Variants in CCDC187 observed in about 807,000 individuals in gnomAD.
The protein encoded by CCDC187 is coiled-coil domain-containing protein 187.
CCDC187 carries 32 observed loss-of-function variants against 38.0 expected under a neutral mutation model. That is an observed-to-expected ratio of 0.84 (90% CI 0.64 to 1.13). CCDC187 has a LOEUF of 1.13. Ranked by LOEUF, CCDC187 falls within the 50% of genes most tolerant of loss-of-function variation. The probability of loss-of-function intolerance (pLI) is 0.00; values close to 1 mark genes in which losing one functional copy is unlikely to be tolerated. For synonymous variants in CCDC187, 333 were observed against 347.9 expected (o/e 0.96, Z 0.48); for missense variants, 707 against 786.8 (o/e 0.90, Z 1.21).
rs1231801844 is a variant in CCDC187, at chr9:136,257,100, C to T, written c.4367-259G>A. Among the ~76,000 whole-genome samples the T allele has an allele frequency of 6.6e-6, 1 of 152,174 alleles. No individual in the cohort carries two copies. The highest frequency in any genetic ancestry group is 1.5e-5 in the Non-Finnish European group (1 of 68,024). ...GTTTAGAATTCAGAGGCCGGCTGGG[C>T]GCAGTGGCTCACGCCTATAATCCCA... On this transcript the variant is annotated intron_variant, in intron 22 of 25. Transcript: ENST00000638797. This position sits in a 1 kb window ranked among gnomAD's most constrained non-coding sequence, Gnocchi z 4.5.
chr9:136,306,157 G>A (rs1831801551), upstream of CCDC187, among the ~76,000 whole-genome samples: 1 of 152,146 alleles, frequency 6.6e-6, no homozygotes, highest in Non-Finnish European at 1.5e-5. Flanking sequence ...GAGTCAAGGG[G>A]TATCCCCTGG....
At chr9:136,293,397 ACTCACAAACACTCACATG>A (rs1831414229) in intron 4 of CCDC187, among the ~76,000 whole-genome samples, 3 of 75,058 alleles carry the variant, frequency 4.0e-5, no homozygotes, top group African/African-American at 1.4e-4. Context: ...ATGCTCACAC[ACTCACAAACACTCACATG>A]CTCACATACT....
At position 136,256,331 on chromosome 9, in the gene CCDC187, G is replaced by C. The variant is rs1554760304; in HGVS notation, c.4504-8C>G. 1.0e-6 allele frequency: 1 copy of C among 983,780 alleles called. No homozygotes were observed. The highest frequency in any genetic ancestry group is 1.2e-6 in the Non-Finnish European group (1 of 828,516). 60.9% of individuals were successfully genotyped at this position (983,780 alleles called of 1,614,324 possible). A position where few individuals can be genotyped will look rare whatever the true frequency, so the allele number is the denominator to read the frequency against. On this transcript the variant is annotated splice_polypyrimidine_tract_variant and splice_region_variant and intron_variant, in intron 23 of 25. Coordinates refer to ENST00000638797, the MANE Select transcript of CCDC187 (RefSeq NM_001378188.1). ...GCTGTCCTCAGCCACCTGCTGGAGA[G>C]ACGTTGCAGAAATGACACTGTTGGG...
At chr9:136,306,533 TGA>T (rs1210545605), upstream of CCDC187, among the ~76,000 whole-genome samples, 3 of 152,116 alleles carry the variant, frequency 2.0e-5, no homozygotes, top group Admixed American at 6.5e-5. Context: ...GGCAAATGCT[TGA>T]TGACTTATCT....
Position 136,254,028 on chromosome 9 carries a change from C to T in CCDC187, c.5800G>A (p.Glu1934Lys). 1 of 984,994 alleles carries T rather than the reference C, an allele frequency of 1.0e-6. No individual in the cohort carries two copies. The highest frequency in any genetic ancestry group is 1.2e-6 in the Non-Finnish European group (1 of 829,712). The allele number at this position is 984,994 out of a possible 1,614,324, so 61.0% of individuals were successfully genotyped here. A position where few individuals can be genotyped will look rare whatever the true frequency, so the allele number is the denominator to read the frequency against. Residue 1934 changes from glutamate to lysine, a missense_variant, in exon 26 of 26, where the codon GAG (glutamate) becomes AAG (lysine). Glu to Lys is a moderately conservative substitution (Grantham distance 56, BLOSUM62 1). Transcript: ENST00000638797. ...TGCAGGGTCACCGGGGTCTCGGGCT[C>T]TGGCATGAGGTACGGGAGTTTGCTC... ...TKSKLPYLMP[E>K]PETPVTLQAP...
At chr9:136,285,722 T>G (rs1831163298) in intron 8 of CCDC187, 116 bp from the exon 9 acceptor site, 1 of 397,432 alleles carries the variant, frequency 2.5e-6, no homozygotes, top group Non-Finnish European at 4.4e-6. Flanking sequence ...GGTGGGGGTG[T>G]GGCAGCCTCC....
intron 4 of CCDC187, among the ~76,000 whole-genome samples, chr9:136,296,710 C>T (rs974790575): frequency 2.0e-5 from 3 of 152,208 alleles, no homozygotes; most frequent in Non-Finnish European, 4.4e-5. Flanking sequence ...GTTCGCCCTG[C>T]AAGCTCTGAA....
upstream of CCDC187, among the ~76,000 whole-genome samples, chr9:136,306,188 C>A (rs888214515): frequency 2.0e-5 from 3 of 152,172 alleles, no homozygotes; most frequent in East Asian, 5.8e-4. Context: ...CCCCCCTGTC[C>A]CCAGCAGCAC....
intron 12 of CCDC187, among the ~76,000 whole-genome samples, chr9:136,275,475 CGTGCACACACCCACACGT>C (rs1830914131): frequency 6.6e-6 from 1 of 151,640 alleles, no homozygotes; most frequent in Non-Finnish European, 1.5e-5. Flanking sequence ...CACCCACACG[CGTGCACACACCCACACGT>C]GTGCACGCAC....
Position 136,252,242 on chromosome 9 carries a change from C to T in CCDC187, c.*1352G>A, listed in dbSNP as rs1473744742. The T allele has an allele frequency of 2.4e-4, 29 of 119,672 alleles. No homozygotes were observed. The highest frequency in any genetic ancestry group is 3.0e-4 in the African/African-American group (9 of 30,434). The allele number at this position is 119,672 out of a possible 1,614,324, so 7.4% of individuals were successfully genotyped here. The stretch of plus-strand genomic sequence containing the variant: ...AGCCGGCCGCCCACCCAGTCCACCC[C>T]GGGAAGGTCCAGGCGACCGTCCTGC... On this transcript the variant is annotated 3_prime_UTR_variant, in exon 26 of 26. Coordinates refer to ENST00000638797, the MANE Select transcript of CCDC187 (RefSeq NM_001378188.1).
intron 18 of CCDC187, among the ~76,000 whole-genome samples, chr9:136,262,883 G>A (rs1830695833): frequency 1.3e-5 from 2 of 152,058 alleles, no homozygotes; most frequent in Non-Finnish European, 1.5e-5. Context: ...AGCTTGCCTG[G>A]GGACAGTCCC....
chr9:136,262,428 C>A lies in CCDC187; in HGVS notation c.3947G>T (p.Gly1316Val), dbSNP rs1554761106. The change falls in exon 19 of 26, where the codon GGA becomes GTA. Residue 1316 changes from glycine (G) to valine (V), a missense_variant. By Grantham distance (109) the Gly-to-Val change is moderately radical (BLOSUM62 -3). Transcript: ENST00000638797. ...SSPKVKAAWE[G>V]GSETSQQPEA... is the part of the protein sequence containing the mutation. ...TGGCTGCTGGCTTGTCTCTGAGCCTCCCTCCCAGGCGGCCTTGACTTTGGG... is the reference window on the plus strand; with the variant it reads ...TGGCTGCTGGCTTGTCTCTGAGCCTACCTCCCAGGCGGCCTTGACTTTGGG... The A allele has an allele frequency of 1.0e-6, 1 of 985,990 alleles. No homozygotes were observed. The highest frequency in any genetic ancestry group is 1.1e-4 in the East Asian group (1 of 8,838). 61.1% of individuals were successfully genotyped at this position (985,990 alleles called of 1,614,324 possible). A position where few individuals can be genotyped will look rare whatever the true frequency, so the allele number is the denominator to read the frequency against.
intron 17 of CCDC187, among the ~76,000 whole-genome samples, chr9:136,265,161 C>T (rs1376976100): frequency 6.6e-6 from 1 of 152,222 alleles, no homozygotes; most frequent in African/African-American, 2.4e-5. Context: ...AGCCCTTGAG[C>T]CTGTGACCTG....
intron 18 of CCDC187, among the ~76,000 whole-genome samples, chr9:136,263,326 C>CG (rs1346035266): frequency 9.9e-5 from 15 of 151,752 alleles, no homozygotes; most frequent in African/African-American, 3.6e-4. Flanking sequence ...CTCCGCCCCC[C>CG]GGGGTTCATG....
Position 136,303,721 on chromosome 9 carries a change from C to T in CCDC187, c.110G>A (p.Arg37Lys), listed in dbSNP as rs2131374010. The change falls in exon 1 of 26, where the codon AGA (arginine) becomes AAA (lysine). Residue 37 changes from arginine to lysine, a missense_variant. Coordinates refer to ENST00000638797, the MANE Select transcript of CCDC187 (RefSeq NM_001378188.1). ...QGPFSHGAPG[R>K]AADWKAVAKP... is the part of the protein sequence containing the mutation. ...GGCAACAGCCTTCCAGTCGGCTGCT[C>T]TCCCTGGGGCCCCATGGGAGAAGGG... is the stretch of plus-strand genomic sequence containing the variant. 6.6e-6 allele frequency: 1 copy of T among 152,424 alleles called. No individual in the cohort carries two copies. Among genetic ancestry groups the T allele is most frequent in the South Asian group, 2.1e-4 (1 of 4,830 alleles). 9.4% of individuals were successfully genotyped at this position (152,424 alleles called of 1,614,324 possible).
chr9:136,304,620 C>T (rs1831769850), upstream of CCDC187, among the ~76,000 whole-genome samples: 1 of 152,012 alleles, frequency 6.6e-6, no homozygotes, highest in African/African-American at 2.4e-5. Context: ...GTGGGGAGGA[C>T]ATGGCTCTGC....
At chr9:136,296,911 C>A (rs1257200453) in intron 4 of CCDC187, among the ~76,000 whole-genome samples, 1 of 152,166 alleles carries the variant, frequency 6.6e-6, no homozygotes, top group Non-Finnish European at 1.5e-5. Flanking sequence ...GACTCACACA[C>A]CCCCTGTGCC....
intron 7 of CCDC187, among the ~76,000 whole-genome samples, chr9:136,289,082 A>G (rs1831248828): frequency 6.6e-6 from 1 of 152,230 alleles, no homozygotes; most frequent in African/African-American, 2.4e-5. Context: ...TTATTCAGCC[A>G]CAGACTCAAT....
chr9:136,262,020 C>A (rs947895806), intron 19 of CCDC187, among the ~76,000 whole-genome samples: 2 of 152,280 alleles, frequency 1.3e-5, no homozygotes, highest in Non-Finnish European at 2.9e-5. Context: ...ATCACTCCCC[C>A]TCCCCTGCTC....
Sources: allele counts gnomAD v4.1 joint callset (sites outside exome capture counted in the v4.1 genomes callset), GRCh38; gene constraint gnomAD v4.1.1; non-coding constraint Gnocchi (gnomAD v3.1); transcripts MANE v1.5; gene names NCBI Gene and HGNC (gene_info 2026-07-23, HGNC 2026-07-21).